SERPINI2: variants seen among roughly 807,000 people sequenced by gnomAD.
SERPINI2 encodes the protein serpin family I member 2.
SERPINI2 carries 48 observed loss-of-function variants against 47.3 expected under a neutral mutation model. The ratio of observed to expected loss-of-function variants is 1.02; its 90% CI spans 0.81 to 1.29. The LOEUF (loss-of-function observed/expected upper bound fraction) is 1.29, where lower values mean the gene tolerates loss of function less well. Ranked by LOEUF, SERPINI2 falls within the 50% of genes most tolerant of loss-of-function variation. The pLI is 0.00. For synonymous variants in SERPINI2, 135 were observed against 149.3 expected (o/e 0.90, Z 0.70); for missense variants, 448 against 456.9 (o/e 0.98, Z 0.18).
At chr3:167,446,286 T>C in intron 8 of SERPINI2, 106 bp downstream of exon 8, 1 of 685,748 alleles carries the variant, frequency 1.5e-6, no homozygotes, top group East Asian at 2.7e-5. Flanking sequence ...TTAACAAATA[T>C]CCACTGAAAG....
At chr3:167,449,903 T>C (rs1292259580) in intron 6 of SERPINI2, among the ~76,000 whole-genome samples, 6 of 152,328 alleles carry the variant, frequency 3.9e-5, no homozygotes, top group African/African-American at 1.4e-4. Context: ...CTTCCAGAGA[T>C]GACATATATA....
At chr3:167,443,788 A>G (rs2108148134) in intron 8 of SERPINI2, among the ~76,000 whole-genome samples, 1 of 152,314 alleles carries the variant, frequency 6.6e-6, no homozygotes, top group East Asian at 1.9e-4. Flanking sequence ...TTCTCCAGGA[A>G]GAATCACATT....
At chr3:167,446,403 T>C (rs1283235560) in exon 8 of SERPINI2, 1 of 1,604,762 alleles carries the variant, frequency 6.2e-7, no homozygotes, top group Middle Eastern at 1.7e-4. Flanking sequence ...TGTTGGATTA[T>C]GCTTCATAAT....
At chr3:167,467,438 A>T (rs745897909) in intron 2 of SERPINI2, among the ~76,000 whole-genome samples, 153 bp from the exon 3 acceptor site, 1 of 152,212 alleles carries the variant, frequency 6.6e-6, no homozygotes, top group African/African-American at 2.4e-5. Flanking sequence ...AAATATTTTA[A>T]GGATGTATCT....
chr3:167,475,934 C>A (rs1750471143), upstream of SERPINI2, among the ~76,000 whole-genome samples: 1 of 151,742 alleles, frequency 6.6e-6, no homozygotes, highest in African/African-American at 2.4e-5. Flanking sequence ...AATGTATAAG[C>A]AAATGCCCTC....
intron 5 of SERPINI2, among the ~76,000 whole-genome samples, chr3:167,454,013 A>AC (rs1749717744): frequency 6.6e-6 from 1 of 152,228 alleles, no homozygotes; most frequent in African/African-American, 2.4e-5. Flanking sequence ...AGCTATATAT[A>AC]TTTCCTACAT....
intron 8 of SERPINI2, 140 bp from the exon 9 acceptor site, chr3:167,442,325 C>G: frequency 2.0e-6 from 1 of 512,398 alleles, no homozygotes; most frequent in Non-Finnish European, 3.3e-6. Context: ...AATAGCAAAG[C>G]CTTCTCCTTT....
chr3:167,445,852 T>C (rs1418926566), intron 8 of SERPINI2, among the ~76,000 whole-genome samples: 1 of 152,192 alleles, frequency 6.6e-6, no homozygotes, highest in Non-Finnish European at 1.5e-5. Flanking sequence ...TACACTCCCT[T>C]TACCTAACTG....
At chr3:167,446,188 G>C (rs1025487431) in intron 8 of SERPINI2, among the ~76,000 whole-genome samples, 3 of 152,158 alleles carry the variant, frequency 2.0e-5, no homozygotes, top group Non-Finnish European at 4.4e-5. Flanking sequence ...ACCGCATATA[G>C]TAGCCATGAT....
chr3:167,453,826 G>A (rs754458905), intron 5 of SERPINI2, among the ~76,000 whole-genome samples: 2 of 151,242 alleles, frequency 1.3e-5, no homozygotes, highest in African/African-American at 2.4e-5. Flanking sequence ...GATCTTCCAC[G>A]ATTCCAAGTC....
chr3:167,456,776 C>T lies in SERPINI2; in HGVS notation c.867-3743G>A, dbSNP rs115825542. Among the ~76,000 whole-genome samples, 296 of 152,164 alleles carry T rather than the reference C, an allele frequency of 1.9e-3. 1 individual carries two copies. Among genetic ancestry groups the T allele is most frequent in the African/African-American group, 6.6e-3 (275 of 41,496 alleles). Reference sequence around the variant, plus strand: ...ATCAAATTGATTGAGGAATTTAATGCGATATGATGGGGGGCCACCTATTAC... The same window carrying T: ...ATCAAATTGATTGAGGAATTTAATGTGATATGATGGGGGGCCACCTATTAC... On this transcript the variant is annotated intron_variant, in intron 5 of 8. Transcript: ENST00000264677.
At chr3:167,475,796 G>A (rs1026877344), upstream of SERPINI2, among the ~76,000 whole-genome samples, 3 of 151,246 alleles carry the variant, frequency 2.0e-5, no homozygotes, top group African/African-American at 4.9e-5. Context: ...ATTACTGTCC[G>A]ACTGTAAAGT....
At chr3:167,465,543 A>G in exon 4 of SERPINI2, 2 of 1,613,836 alleles carry the variant, frequency 1.2e-6, no homozygotes, top group Non-Finnish European at 1.7e-6. Context: ...TTTTCTTAGT[A>G]AAATTTATCA....
chr3:167,451,102 C>T (rs1351208050), intron 6 of SERPINI2, among the ~76,000 whole-genome samples: 1 of 152,162 alleles, frequency 6.6e-6, no homozygotes, highest in Non-Finnish European at 1.5e-5. Flanking sequence ...TGATACTTTT[C>T]CCACTTGCTG....
At chr3:167,474,539 G>C (rs1750437015), upstream of SERPINI2, among the ~76,000 whole-genome samples, 1 of 151,604 alleles carries the variant, frequency 6.6e-6, no homozygotes, top group African/African-American at 2.4e-5. Context: ...GTTTCCTGTG[G>C]ATATAAGGTC....
chr3:167,458,305 C>G (rs1749864608), intron 5 of SERPINI2, among the ~76,000 whole-genome samples: 1 of 137,644 alleles, frequency 7.3e-6, no homozygotes, highest in Non-Finnish European at 1.5e-5. Flanking sequence ...GGCTGGAGTG[C>G]AGTGGCATGA....
At chr3:167,452,536 T>A (rs1207780407) in intron 6 of SERPINI2, among the ~76,000 whole-genome samples, 1 of 152,236 alleles carries the variant, frequency 6.6e-6, no homozygotes, top group Non-Finnish European at 1.5e-5. Context: ...CTATTTCATG[T>A]GTTCTCATAT....
At position 167,449,308 on chromosome 3, in the gene SERPINI2, C is replaced by T; in HGVS notation, c.1051+8G>A. ...CCTTCTAGCTTGGCCAGAAATCATT[C>T]ACCCTACCAGTTGATGTTGCAGCTT... On this transcript the variant is annotated splice_region_variant and intron_variant, in intron 7 of 8. Coordinates refer to ENST00000264677, the Ensembl canonical transcript of SERPINI2. 6.3e-7 allele frequency: 1 copy of T among 1,599,404 alleles called. No homozygotes were observed.
chr3:167,476,939 T>A (rs1396560796), upstream of SERPINI2, among the ~76,000 whole-genome samples: 1 of 151,970 alleles, frequency 6.6e-6, no homozygotes, highest in African/African-American at 2.4e-5. Context: ...GGCATGTGGC[T>A]CAGATTTCAC....
Sources: gnomAD v4.1 joint callset for allele counts (sites outside exome capture counted in the v4.1 genomes callset) on GRCh38, gnomAD v4.1.1 for gene constraint, MANE v1.5 for transcripts, NCBI Gene and HGNC (gene_info 2026-07-23, HGNC 2026-07-21) for gene names.